SPATA31F1: variants seen among roughly 807,000 people sequenced by gnomAD.
SPATA31F1 encodes the protein SPATA31 subfamily F member 1.
the SPATA31F1 span, chr9:34,727,884 T>A: frequency 6.7e-6 from 5 of 750,394 alleles, no homozygotes; most frequent in Non-Finnish European, 8.4e-6. Flanking sequence ...GGCAACCCTC[T>A]CACCCAGTGT....
At chr9:34,724,233 T>C in the SPATA31F1 span, 78 of 1,551,516 alleles carry the variant, frequency 5.0e-5, no homozygotes, top group East Asian at 1.8e-3. Flanking sequence ...TGGGCCTCTG[T>C]CATGTCCCCA....
At chr9:34,724,283 T>C in the SPATA31F1 span, 121 of 1,551,398 alleles carry the variant, frequency 7.8e-5, no homozygotes, top group Non-Finnish European at 6.1e-6. Context: ...GGCAGAACCC[T>C]GGGGTACAGC....
the SPATA31F1 span, chr9:34,724,209 G>C: frequency 1.3e-6 from 2 of 1,551,468 alleles, no homozygotes; most frequent in Non-Finnish European, 1.7e-6. Flanking sequence ...GCCTCTACCT[G>C]AACACAAGGC....
the SPATA31F1 span, chr9:34,723,895 A>T: frequency 1.0e-3 from 1,560 of 1,551,612 alleles, 4 homozygotes; most frequent in Non-Finnish European, 1.3e-3. Flanking sequence ...GCTGAGGGTG[A>T]TGCTGGGGGC....
chr9:34,727,737 C>T, the SPATA31F1 span, among the ~76,000 whole-genome samples: 1 of 152,208 alleles, frequency 6.6e-6, no homozygotes, highest in South Asian at 2.1e-4. Context: ...TATCTCATGG[C>T]TGAGTGCAGC....
the SPATA31F1 span, chr9:34,728,056 C>G: frequency 6.4e-7 from 1 of 1,551,978 alleles, no homozygotes; most frequent in African/African-American, 1.4e-5. Flanking sequence ...TGTGGCTTCT[C>G]AGCTTCTTCC....
the SPATA31F1 span, chr9:34,728,113 A>G: frequency 1.3e-6 from 2 of 1,546,990 alleles, no homozygotes; most frequent in East Asian, 2.4e-5. Flanking sequence ...GTTATATGGC[A>G]TGGGATAATT....
chr9:34,727,641 A>G, the SPATA31F1 span, among the ~76,000 whole-genome samples: 1 of 152,340 alleles, frequency 6.6e-6, no homozygotes, highest in South Asian at 2.1e-4. Flanking sequence ...TTGAAAGGGT[A>G]TAGCTTTATT....
the SPATA31F1 span, chr9:34,726,658 T>C: frequency 5.2e-6 from 8 of 1,551,720 alleles, no homozygotes; most frequent in Non-Finnish European, 7.0e-6. Context: ...AGTAATCTTG[T>C]ATGCCATCTG....
At chr9:34,729,222 G>A in the SPATA31F1 span, 11 of 1,500,216 alleles carry the variant, frequency 7.3e-6, no homozygotes, top group African/African-American at 1.4e-5. Flanking sequence ...AAGGGAGCAC[G>A]GTAAGAACTT....
At chr9:34,725,309 G>A in the SPATA31F1 span, 1 of 1,136,306 alleles carries the variant, frequency 8.8e-7, no homozygotes, top group Admixed American at 2.3e-5. Flanking sequence ...GGCCTCTAGG[G>A]CTACAGGCTG....
chr9:34,728,846 A>G, the SPATA31F1 span, among the ~76,000 whole-genome samples: 2 of 152,112 alleles, frequency 1.3e-5, no homozygotes, highest in African/African-American at 4.8e-5. Context: ...TTTTGGATTC[A>G]CTTGGAGGCT....
At chr9:34,728,058 G>C in the SPATA31F1 span, 1 of 1,551,970 alleles carries the variant, frequency 6.4e-7, no homozygotes, top group Non-Finnish European at 8.7e-7. Context: ...TGGCTTCTCA[G>C]CTTCTTCCCG....
the SPATA31F1 span, chr9:34,729,203 G>T: frequency 6.9e-7 from 1 of 1,443,164 alleles, no homozygotes; most frequent in South Asian, 1.5e-5. Context: ...ATTCTGGGGT[G>T]GGGATTATAA....
At chr9:34,726,485 T>G in the SPATA31F1 span, 2 of 1,551,676 alleles carry the variant, frequency 1.3e-6, no homozygotes, top group African/African-American at 1.4e-5. Flanking sequence ...ATTCAAGTGA[T>G]GCTGGCCTTG....
the SPATA31F1 span, chr9:34,726,665 T>C: frequency 3.9e-6 from 6 of 1,551,726 alleles, no homozygotes; most frequent in Non-Finnish European, 5.2e-6. Context: ...TTGTATGCCA[T>C]CTGCATACGT....
chr9:34,727,661 G>T, the SPATA31F1 span, among the ~76,000 whole-genome samples: 4 of 152,196 alleles, frequency 2.6e-5, no homozygotes, highest in African/African-American at 7.2e-5. Flanking sequence ...TCCCTTGAAA[G>T]AGTATAAAGA....
At chr9:34,725,195 G>A in the SPATA31F1 span, 1 of 1,505,836 alleles carries the variant, frequency 6.6e-7, no homozygotes, top group Middle Eastern at 1.7e-4. Context: ...TCCACATTTG[G>A]AGTCGATGTG....
the SPATA31F1 span, chr9:34,726,822 C>G: frequency 6.4e-7 from 1 of 1,551,810 alleles, no homozygotes; most frequent in South Asian, 1.2e-5. Flanking sequence ...GACAGCATCT[C>G]TAGGCAAGAG....
Sources: gnomAD v4.1 joint callset for allele counts (sites outside exome capture counted in the v4.1 genomes callset) on GRCh38, gnomAD v4.1.1 for gene constraint, MANE v1.5 for transcripts, NCBI Gene and HGNC (gene_info 2026-07-23, HGNC 2026-07-21) for gene names.